Variants in TASP1 observed in about 807,000 individuals in gnomAD.
TASP1 encodes taspase 1.
A neutral mutation model predicts 56.6 loss-of-function variants in TASP1; 16 were observed. The observed-to-expected ratio is 0.28, with a 90% confidence interval of 0.19 to 0.43. The LOEUF is 0.43. Among genes scored for constraint, TASP1 ranks in the 20% least tolerant of loss-of-function variants. The pLI is 1.00. For synonymous variants in TASP1, 179 were observed against 184.2 expected (o/e 0.97, Z 0.23); for missense variants, 393 against 511.6 (o/e 0.77, Z 2.24).
chr20:13,305,780 G>A, the TASP1 span, among the ~76,000 whole-genome samples: 4 of 152,338 alleles, frequency 2.6e-5, no homozygotes, highest in East Asian at 7.7e-4. Flanking sequence ...GAATTTATGA[G>A]ACTAGCAATT....
chr20:13,360,090 C>T, the TASP1 span, among the ~76,000 whole-genome samples: 11 of 152,084 alleles, frequency 7.2e-5, no homozygotes, highest in Admixed American at 1.3e-4. Context: ...TCAGGATCTG[C>T]GCCTTATCGA....
At chr20:13,633,815 G>C (rs1367901566) in intron 1 of TASP1, among the ~76,000 whole-genome samples, 2 of 150,374 alleles carry the variant, frequency 1.3e-5, no homozygotes, top group Non-Finnish European at 3.0e-5. Flanking sequence ...ACATAGGCAC[G>C]TAACAGGTTT....
intron 11 of TASP1, among the ~76,000 whole-genome samples, chr20:13,466,142 A>G (rs930344628): frequency 3.3e-5 from 5 of 152,154 alleles, no homozygotes; most frequent in Admixed American, 1.3e-4. Context: ...ATTTCTCCAT[A>G]TTATTTCTTC....
At chr20:13,225,524 T>C in the TASP1 span, among the ~76,000 whole-genome samples, 1 of 152,198 alleles carries the variant, frequency 6.6e-6, no homozygotes, top group African/African-American at 2.4e-5. Context: ...AGGGGTTACA[T>C]TTTTGACTCT....
chr20:13,240,320 C>G, the TASP1 span, among the ~76,000 whole-genome samples: 1 of 152,096 alleles, frequency 6.6e-6, no homozygotes, highest in Non-Finnish European at 1.5e-5. Flanking sequence ...AAACAGGGAG[C>G]AAAAGATAGG....
chr20:13,565,470 G>A (rs1222491585), intron 7 of TASP1, among the ~76,000 whole-genome samples: 1 of 152,140 alleles, frequency 6.6e-6, no homozygotes, highest in Non-Finnish European at 1.5e-5. Context: ...TTAACATCCA[G>A]AACATATGAA....
the TASP1 span, among the ~76,000 whole-genome samples, chr20:13,356,344 C>A: frequency 6.6e-6 from 1 of 152,204 alleles, no homozygotes; most frequent in Admixed American, 6.5e-5. Context: ...CTTCATTCAG[C>A]ATGGCAATGT....
At chr20:13,144,044 C>G in the TASP1 span, among the ~76,000 whole-genome samples, 4 of 152,144 alleles carry the variant, frequency 2.6e-5, no homozygotes, top group Non-Finnish European at 5.9e-5. Context: ...CTCTCTAATA[C>G]CCATCAAAAA....
At chr20:13,463,538 TA>T (rs1374172775) in intron 11 of TASP1, among the ~76,000 whole-genome samples, 1 of 152,032 alleles carries the variant, frequency 6.6e-6, no homozygotes, top group South Asian at 2.1e-4. Flanking sequence ...AAATTAAAAT[TA>T]AAAAGTTATT....
chr20:13,123,510 C>A, the TASP1 span, among the ~76,000 whole-genome samples: 1 of 152,090 alleles, frequency 6.6e-6, no homozygotes, highest in African/African-American at 2.4e-5. Flanking sequence ...TAGTAACTGG[C>A]CCATGGTCAC....
chr20:13,119,010 GCTAAAA>G, the TASP1 span, among the ~76,000 whole-genome samples: 122 of 152,302 alleles, frequency 8.0e-4, no homozygotes, highest in Admixed American at 3.2e-3. Context: ...GCTGGGTAAT[GCTAAAA>G]CCATTGGGAA....
intron 4 of TASP1, among the ~76,000 whole-genome samples, chr20:13,588,076 T>C (rs2047373027): frequency 6.6e-6 from 1 of 151,790 alleles, no homozygotes; most frequent in Non-Finnish European, 1.5e-5. Context: ...CAGCAAACCA[T>C]AATTACGCCA....
chr20:13,539,763 C>T (rs977113034), intron 8 of TASP1, among the ~76,000 whole-genome samples: 4 of 152,054 alleles, frequency 2.6e-5, no homozygotes, highest in Admixed American at 6.5e-5. Flanking sequence ...TAGCAAAGGA[C>T]GATGTTTTCT....
intron 11 of TASP1, among the ~76,000 whole-genome samples, chr20:13,478,196 AT>A (rs1462647977): frequency 1.3e-5 from 2 of 152,154 alleles, no homozygotes; most frequent in African/African-American, 4.8e-5. Flanking sequence ...TGGAACCGCA[AT>A]TATTTTTGCA....
At chr20:13,437,387 T>C (rs1271944908) in intron 11 of TASP1, among the ~76,000 whole-genome samples, 4 of 152,028 alleles carry the variant, frequency 2.6e-5, no homozygotes, top group Non-Finnish European at 5.9e-5. Context: ...CTATGACAAA[T>C]CCACAGCCAA....
At chr20:13,364,488 T>C in the TASP1 span, among the ~76,000 whole-genome samples, 1 of 152,118 alleles carries the variant, frequency 6.6e-6, no homozygotes, top group Admixed American at 6.5e-5. Context: ...AGAGGCTGAT[T>C]AGGTCTTGTC....
chr20:13,311,966 T>C, the TASP1 span, among the ~76,000 whole-genome samples: 1 of 152,222 alleles, frequency 6.6e-6, no homozygotes, highest in Non-Finnish European at 1.5e-5. Flanking sequence ...TGGTGATTGA[T>C]ATGTTAACTA....
At chr20:13,529,468 T>C in intron 9 of TASP1, among the ~76,000 whole-genome samples, 1 of 152,056 alleles carries the variant, frequency 6.6e-6, no homozygotes, top group South Asian at 2.1e-4. Flanking sequence ...TACTAAATGG[T>C]TGATAAGAAT....
chr20:13,402,566 GGC>G (rs1196392115), intron 13 of TASP1, among the ~76,000 whole-genome samples: 1 of 152,198 alleles, frequency 6.6e-6, no homozygotes, highest in Non-Finnish European at 1.5e-5. Flanking sequence ...GTTTATTGGT[GGC>G]GCCTCAACTA....
Sources: allele counts gnomAD v4.1 joint callset (sites outside exome capture counted in the v4.1 genomes callset), GRCh38; gene constraint gnomAD v4.1.1; transcripts MANE v1.5; gene names NCBI Gene and HGNC (gene_info 2026-07-23, HGNC 2026-07-21).